TRABD2B: variants seen among roughly 807,000 people sequenced by gnomAD.
The protein encoded by TRABD2B is TraB domain containing 2B.
Under a neutral mutation model 40.1 loss-of-function variants are expected in TRABD2B, and 14 were observed. The ratio of observed to expected loss-of-function variants is 0.35; its 90% CI spans 0.23 to 0.55. TRABD2B has a LOEUF of 0.55. Among genes scored for constraint, TRABD2B ranks in the 20% least tolerant of loss-of-function variants. The pLI is 0.90. For synonymous variants in TRABD2B, 263 were observed against 277.0 expected (o/e 0.95, Z 0.50); for missense variants, 541 against 648.6 (o/e 0.83, Z 1.80).
chr1:47,878,333 A>G (rs1644253760), intron 2 of TRABD2B, among the ~76,000 whole-genome samples: 1 of 152,188 alleles, frequency 6.6e-6, no homozygotes, highest in Non-Finnish European at 1.5e-5. Context: ...CCAAAAAAAG[A>G]ACATGTTTGT....
At chr1:47,938,236 G>A (rs1365275391) in intron 2 of TRABD2B, among the ~76,000 whole-genome samples, 1 of 152,182 alleles carries the variant, frequency 6.6e-6, no homozygotes, top group Non-Finnish European at 1.5e-5. Context: ...GGGGTTCAAC[G>A]CTGCAGGCAC....
intron 4 of TRABD2B, among the ~76,000 whole-genome samples, chr1:47,793,782 A>G (rs1316832530): frequency 6.6e-6 from 1 of 152,256 alleles, no homozygotes; most frequent in African/African-American, 2.4e-5. Context: ...ACAGCCATAT[A>G]GAAGGAAACA....
At position 47,997,052 on chromosome 1, in the gene TRABD2B, G is replaced by T. The variant is rs1646104039; in HGVS notation, c.-263C>A. 1.0e-6 allele frequency: 1 copy of T among 984,598 alleles called. No individual in the cohort carries two copies. The highest frequency in any genetic ancestry group is 1.8e-5 in the African/African-American group (1 of 57,086). The allele number at this position is 984,598 out of a possible 1,614,324, so 61.0% of individuals were successfully genotyped here. ...AACCTCGCTGGCCGAGCCCCCGGGT[G>T]CTGAGGGCGTGTTGGGGTCCGGGGG... On this transcript the variant is annotated 5_prime_UTR_variant, in exon 1 of 7. Transcript: ENST00000606738.
intron 2 of TRABD2B, among the ~76,000 whole-genome samples, chr1:47,825,305 A>G (rs924654124): frequency 2.0e-5 from 3 of 152,222 alleles, no homozygotes; most frequent in Admixed American, 6.5e-5. Flanking sequence ...ATCCAACAGC[A>G]CTGCCTTGCT....
chr1:47,909,988 T>C (rs1298828673), intron 2 of TRABD2B, among the ~76,000 whole-genome samples: 1 of 151,464 alleles, frequency 6.6e-6, no homozygotes, highest in Non-Finnish European at 1.5e-5. Context: ...GCCTCCTGAG[T>C]AGCTGGGACT....
At chr1:47,838,254 A>G (rs1645345690) in intron 2 of TRABD2B, among the ~76,000 whole-genome samples, 2 of 152,244 alleles carry the variant, frequency 1.3e-5, no homozygotes, top group Admixed American at 1.3e-4. Flanking sequence ...TCATTCATCC[A>G]GGGACCCAAA....
At chr1:47,975,569 A>G (rs1261355733) in intron 2 of TRABD2B, among the ~76,000 whole-genome samples, 2 of 152,190 alleles carry the variant, frequency 1.3e-5, no homozygotes, top group Non-Finnish European at 2.9e-5. Flanking sequence ...GGGGTCAATG[A>G]CAAAAATAAC....
intron 2 of TRABD2B, among the ~76,000 whole-genome samples, chr1:47,890,933 GT>G (rs1464998532): frequency 2.0e-5 from 3 of 152,186 alleles, no homozygotes; most frequent in South Asian, 2.1e-4. Context: ...TCCCTATCTT[GT>G]TTGGTATGGA....
At chr1:47,969,729 G>A (rs1311174780) in intron 2 of TRABD2B, among the ~76,000 whole-genome samples, 2 of 152,150 alleles carry the variant, frequency 1.3e-5, no homozygotes, top group Non-Finnish European at 2.9e-5. Flanking sequence ...TAAAAAGAAA[G>A]GCCAAATAGA....
At chr1:47,843,028 G>A (rs1051228862) in intron 2 of TRABD2B, among the ~76,000 whole-genome samples, 3 of 152,136 alleles carry the variant, frequency 2.0e-5, no homozygotes, top group African/African-American at 7.2e-5. Flanking sequence ...GAGCATGGCA[G>A]CTGCCCGAAG....
intron 2 of TRABD2B, among the ~76,000 whole-genome samples, chr1:47,893,917 G>A (rs1369975432): frequency 6.6e-6 from 1 of 152,096 alleles, no homozygotes; most frequent in East Asian, 1.9e-4. Context: ...AGCGATTTGT[G>A]AGACAATGCT....
At chr1:47,793,951 T>A (rs1417164543) in intron 4 of TRABD2B, among the ~76,000 whole-genome samples, 1 of 152,210 alleles carries the variant, frequency 6.6e-6, no homozygotes, top group Non-Finnish European at 1.5e-5. Context: ...ATGATCACAC[T>A]TATACTCAGT....
At chr1:47,780,694 G>C (rs1456937671) in intron 4 of TRABD2B, among the ~76,000 whole-genome samples, 1 of 152,196 alleles carries the variant, frequency 6.6e-6, no homozygotes. Flanking sequence ...GGGTGGCACA[G>C]TGGGGGAGGC....
At chr1:47,914,383 C>T (rs1644801589) in intron 2 of TRABD2B, among the ~76,000 whole-genome samples, 1 of 152,228 alleles carries the variant, frequency 6.6e-6, no homozygotes, top group Non-Finnish European at 1.5e-5. Flanking sequence ...CTATTTCAGG[C>T]TACCGTCCTG....
chr1:47,827,887 T>C (rs1645197392), intron 2 of TRABD2B, among the ~76,000 whole-genome samples: 1 of 152,132 alleles, frequency 6.6e-6, no homozygotes, highest in Non-Finnish European at 1.5e-5. Context: ...AAATAAGGTT[T>C]GAGTCAAGCT....
At chr1:47,972,244 T>C (rs1570394635) in intron 2 of TRABD2B, among the ~76,000 whole-genome samples, 1 of 152,222 alleles carries the variant, frequency 6.6e-6, no homozygotes. Context: ...CCACTACCCA[T>C]GGGAGCCACT....
At chr1:47,868,970 C>T (rs1217972790) in intron 2 of TRABD2B, among the ~76,000 whole-genome samples, 1 of 152,136 alleles carries the variant, frequency 6.6e-6, no homozygotes, top group Non-Finnish European at 1.5e-5. Flanking sequence ...TGGACTCTGC[C>T]CATGAGCATC....
intron 2 of TRABD2B, among the ~76,000 whole-genome samples, chr1:47,954,741 C>T (rs1355935023): frequency 1.3e-5 from 2 of 152,264 alleles, no homozygotes; most frequent in African/African-American, 2.4e-5. Flanking sequence ...AAGCTCTCAG[C>T]GGCTGGCACA....
At chr1:47,918,374 C>CA (rs894565726) in intron 2 of TRABD2B, among the ~76,000 whole-genome samples, 1 of 152,172 alleles carries the variant, frequency 6.6e-6, no homozygotes, top group African/African-American at 2.4e-5. Flanking sequence ...AATGGTGACA[C>CA]AGAGAATGTG....
Sources: gnomAD v4.1 joint callset for allele counts (sites outside exome capture counted in the v4.1 genomes callset) on GRCh38, gnomAD v4.1.1 for gene constraint, MANE v1.5 for transcripts, NCBI Gene and HGNC (gene_info 2026-07-23, HGNC 2026-07-21) for gene names.